Variants in TNS1 observed in about 807,000 individuals in gnomAD.
TNS1 encodes tensin 1, also known as tensin-1.
A neutral mutation model predicts 168.6 loss-of-function variants in TNS1; 62 were observed. The observed-to-expected ratio is 0.37, with a 90% CI of 0.30 to 0.45. TNS1 has a LOEUF of 0.45. TNS1 is among the 20% of genes least tolerant of loss of function. The pLI is 1.00. For missense variants in TNS1, 2,240 were observed against 2,339.4 expected (o/e 0.96, Z 0.88); for synonymous variants, 934 against 933.2 (o/e 1.00, Z -0.02).
At position 217,813,212 on chromosome 2, in the gene TNS1, C is replaced by T. The variant is rs761921812; in HGVS notation, c.4954+3G>A. The stretch of plus-strand genomic sequence containing the variant: ...TAGAGATGGGGGCAGGGGGACAGCT[C>T]ACCGAAGTTTGGCTCATTGGGGCAG... On this transcript the variant is annotated splice_donor_region_variant and intron_variant, in intron 27 of 32. Coordinates refer to ENST00000682258, the MANE Select transcript of TNS1 (RefSeq NM_001387777.1). This position sits in a 1 kb window ranked among gnomAD's most constrained non-coding sequence, Gnocchi z 4.0. The T allele has an allele frequency of 6.3e-7, 1 of 1,599,194 alleles. No individual in the cohort carries two copies. The highest frequency in any genetic ancestry group is 8.5e-7 in the Non-Finnish European group (1 of 1,171,598).
chr2:217,809,783 G>A (rs1940483675), intron 30 of TNS1, 40 bp downstream of exon 30: 3 of 1,590,686 alleles, frequency 1.9e-6, no homozygotes, highest in African/African-American at 1.3e-5. Flanking sequence ...TGAGTCACAG[G>A]AAGGAGAACC....
At position 218,033,535 on chromosome 2, in the gene TNS1, C is replaced by G. The variant is rs1212657359; in HGVS notation, c.156+285G>C. ...CCAGGCCTGCCCCTCCTGGGTGACT[C>G]CTAAACCAACCTCACCCAACCTATT... On this transcript the variant is annotated intron_variant, in intron 1 of 1. Coordinates refer to the TNS1 transcript ENST00000649572. This position sits in a 1 kb window ranked among gnomAD's most constrained non-coding sequence, Gnocchi z 4.3. 1.3e-5 allele frequency among the ~76,000 whole-genome samples: 2 copies of G among 152,166 alleles called. No homozygotes were observed. Among genetic ancestry groups the G allele is most frequent in the South Asian group, 4.1e-4 (2 of 4,824 alleles).
In TNS1 at chr2:217,928,042, C is replaced by T. The variant is rs189276727; in HGVS notation, c.187-7806G>A. Among the ~76,000 whole-genome samples the T allele has an allele frequency of 2.6e-3, 397 of 152,348 alleles. 4 individuals are homozygous for T. Among genetic ancestry groups the T allele is most frequent in the African/African-American group, 9.1e-3 (378 of 41,584 alleles). On this transcript the variant is annotated intron_variant, in intron 3 of 32. Transcript: ENST00000682258. ...GAACTCAGGAAGGCCCCAGACAGCC[C>T]CCATTCAACCTGGTAAGGCAAGCTG...
chr2:217,975,385 T>A (rs1484675684), intron 3 of TNS1, among the ~76,000 whole-genome samples: 1 of 152,154 alleles, frequency 6.6e-6, no homozygotes, highest in East Asian at 1.9e-4. Flanking sequence ...CTACTAAATC[T>A]GGGGGCCATT....
At chr2:217,966,268 C>CGTGTGTGTGTGTGTGTGT (rs3838555) in intron 3 of TNS1, among the ~76,000 whole-genome samples, 1 of 140,744 alleles carries the variant, frequency 7.1e-6, no homozygotes, top group Non-Finnish European at 1.6e-5. Context: ...GAGCAGGCTG[C>CGTGTGTGTGTGTGTGTGT]GTGTGTGTGT....
intron 17 of TNS1, 163 bp downstream of exon 17, chr2:217,882,183 A>G: frequency 3.5e-6 from 2 of 575,782 alleles, no homozygotes; most frequent in South Asian, 4.7e-5. Context: ...TCACTGGTTC[A>G]TGTTTAGCTA....
intron 20 of TNS1, 100 bp from the exon 21 acceptor site, chr2:217,835,266 C>G (rs1324536508): frequency 9.0e-7 from 1 of 1,115,750 alleles, no homozygotes; most frequent in African/African-American, 1.6e-5. Flanking sequence ...TAACCAGCCC[C>G]CACATCCCCT....
intron 4 of TNS1, among the ~76,000 whole-genome samples, chr2:217,917,499 G>A (rs1304941580): frequency 6.6e-6 from 1 of 152,104 alleles, no homozygotes; most frequent in Non-Finnish European, 1.5e-5. Context: ...AGGGAGACTG[G>A]GTGCTGGGGA....
chr2:217,987,584 C>T (rs1400380815), intron 2 of TNS1, among the ~76,000 whole-genome samples: 1 of 152,208 alleles, frequency 6.6e-6, no homozygotes. Context: ...GTCTCCAGAT[C>T]TAAAAGAGCT....
chr2:217,896,479 A>G (rs1003461967), intron 8 of TNS1, among the ~76,000 whole-genome samples: 1 of 152,164 alleles, frequency 6.6e-6, no homozygotes, highest in Admixed American at 6.5e-5. Context: ...GTGGAGATGG[A>G]GGTAGAGATT....
intron 3 of TNS1, among the ~76,000 whole-genome samples, chr2:217,949,635 C>T (rs777322253): frequency 6.6e-6 from 1 of 152,156 alleles, no homozygotes; most frequent in African/African-American, 2.4e-5. Flanking sequence ...TGTCAACTTC[C>T]TGACTTGCCA....
At chr2:217,928,570 G>GACACTGTCCACTCCAAA (rs1175152696) in intron 3 of TNS1, among the ~76,000 whole-genome samples, 2 of 152,192 alleles carry the variant, frequency 1.3e-5, no homozygotes, top group Admixed American at 1.3e-4. Flanking sequence ...AAGACAGTGG[G>GACACTGTCCACTCCAAA]GACAGGGAGT....
chr2:217,890,658 A>G (rs899789212), intron 12 of TNS1: 6 of 441,720 alleles, frequency 1.4e-5, no homozygotes, highest in Admixed American at 1.1e-4. Flanking sequence ...AGAACAGCAC[A>G]TGCCTTCCTA....
intron 18 of TNS1, among the ~76,000 whole-genome samples, chr2:217,855,117 C>T (rs1168037482): frequency 6.6e-6 from 1 of 152,204 alleles, no homozygotes; most frequent in Non-Finnish European, 1.5e-5. Flanking sequence ...CAACAGCTCT[C>T]ATCACCCACA....
In TNS1 at chr2:217,935,526, G is replaced by C. The variant is rs79839128; in HGVS notation, c.187-15290C>G. Among the ~76,000 whole-genome samples the C allele has an allele frequency of 1.6e-3, 244 of 152,272 alleles. 1 individual carries two copies. The highest frequency in any genetic ancestry group is 2.9e-3 in the Non-Finnish European group (194 of 68,022). ...ACCACTGCCTCCACTCCCACGCTTG[G>C]CCTAGCTCAGCCGGCCACAGCAGAG... is the stretch of plus-strand genomic sequence containing the variant. On this transcript the variant is annotated intron_variant, in intron 3 of 32. Coordinates refer to ENST00000682258, the MANE Select transcript of TNS1 (RefSeq NM_001387777.1).
chr2:217,951,979 C>A (rs10177639), intron 3 of TNS1, among the ~76,000 whole-genome samples: 1 of 152,194 alleles, frequency 6.6e-6, no homozygotes, highest in Non-Finnish European at 1.5e-5. Flanking sequence ...CCGCAGTGGC[C>A]CAGGCCCTGT....
chr2:217,966,589 T>C (rs993625412), intron 3 of TNS1, among the ~76,000 whole-genome samples: 1 of 152,024 alleles, frequency 6.6e-6, no homozygotes, highest in East Asian at 1.9e-4. Flanking sequence ...CAGCATCAGA[T>C]GTTGGAAAAT....
At chr2:217,872,883 T>C (rs1031181730) in intron 18 of TNS1, among the ~76,000 whole-genome samples, 5 of 152,226 alleles carry the variant, frequency 3.3e-5, no homozygotes, top group Admixed American at 6.5e-5. Flanking sequence ...AAAATACTGA[T>C]ACATGTTACA....
At chr2:217,886,263 C>G (rs1164162483) in intron 13 of TNS1, among the ~76,000 whole-genome samples, 159 bp from the exon 14 acceptor site, 1 of 152,124 alleles carries the variant, frequency 6.6e-6, no homozygotes, top group Non-Finnish European at 1.5e-5. Flanking sequence ...AAAGAGGAAG[C>G]AGAAAGGGGA....
Sources: allele counts gnomAD v4.1 joint callset (sites outside exome capture counted in the v4.1 genomes callset), GRCh38; gene constraint gnomAD v4.1.1; non-coding constraint Gnocchi (gnomAD v3.1); transcripts MANE v1.5; gene names NCBI Gene and HGNC (gene_info 2026-07-23, HGNC 2026-07-21).